RIMS1: variants seen among roughly 807,000 people sequenced by gnomAD.
RIMS1 encodes regulating synaptic membrane exocytosis protein 1.
A neutral mutation model predicts 214.1 loss-of-function variants in RIMS1; 83 were observed. The ratio of observed to expected loss-of-function variants is 0.39; its 90% CI spans 0.32 to 0.47. The LOEUF (loss-of-function observed/expected upper bound fraction) is 0.47. RIMS1 is among the 20% of genes least tolerant of loss of function. The probability of loss-of-function intolerance (pLI) is 0.99; values close to 1 mark genes in which losing one functional copy is unlikely to be tolerated. For synonymous variants in RIMS1, 793 were observed against 786.8 expected (o/e 1.01, Z -0.13); for missense variants, 2,050 against 2,161.8 (o/e 0.95, Z 1.03).
chr6:72,359,476 C>CT (rs949683489), intron 29 of RIMS1, among the ~76,000 whole-genome samples: 81 of 146,820 alleles, frequency 5.5e-4, no homozygotes, highest in South Asian at 1.1e-3. Context: ...AAGCAATTTG[C>CT]TTTTTTTTTT....
intron 4 of RIMS1, among the ~76,000 whole-genome samples, chr6:72,150,456 G>T (rs1236361651): frequency 6.6e-6 from 1 of 152,146 alleles, no homozygotes; most frequent in Admixed American, 6.5e-5. Flanking sequence ...TCTGCCTCCT[G>T]CCACTATTAT....
chr6:72,337,867 T>G (rs1379544484), intron 29 of RIMS1, among the ~76,000 whole-genome samples: 3 of 151,538 alleles, frequency 2.0e-5, no homozygotes, highest in Non-Finnish European at 4.4e-5. Flanking sequence ...TGTGATAGTT[T>G]GCTGAGAATG....
In RIMS1 at chr6:72,159,001, T is replaced by C. The variant is rs559262753; in HGVS notation, c.472-20574T>C. 2.2e-4 allele frequency among the ~76,000 whole-genome samples: 31 copies of C among 140,602 alleles called. 6 individuals carry two copies. The highest frequency in any genetic ancestry group is 4.7e-4 in the Non-Finnish European group (29 of 61,808). The allele number at this position is 140,602 out of a possible 152,430, so 92.2% of individuals were successfully genotyped here. On this transcript the variant is annotated intron_variant, in intron 4 of 33. Transcript: ENST00000521978. ...CTGACTTCCACAATGGTTGAACTAG[T>C]TTACAGTCCCACCAACAGTGTAAGT...
rs533260864 is a variant in RIMS1, at chr6:72,251,388, G to A, written c.2698+20G>A. 7.1e-6 allele frequency: 11 copies of A among 1,538,868 alleles called. No individual in the cohort carries two copies. In the Admixed American group the frequency reaches 1.8e-4, roughly 26 times the overall value. ...TACAAAGTAGGTTAAGGTCCTTTTA[G>A]TTGCCACAAAGTAATTATGCTGTAA... On this transcript the variant is annotated intron_variant, in intron 15 of 33. Coordinates refer to ENST00000521978, the MANE Select transcript of RIMS1 (RefSeq NM_014989.7).
At chr6:72,113,938 C>T (rs1415517743) in intron 4 of RIMS1, among the ~76,000 whole-genome samples, 1 of 151,940 alleles carries the variant, frequency 6.6e-6, no homozygotes, top group Admixed American at 6.6e-5. Context: ...AAAAAGACAC[C>T]AATAATGTAA....
At chr6:72,015,841 G>T (rs1310151127) in intron 2 of RIMS1, among the ~76,000 whole-genome samples, 1 of 152,090 alleles carries the variant, frequency 6.6e-6, no homozygotes, top group African/African-American at 2.4e-5. Flanking sequence ...CAGGAGAATG[G>T]CATGAACCCG....
chr6:72,115,227 C>A (rs1291412810), intron 4 of RIMS1, among the ~76,000 whole-genome samples: 1 of 151,824 alleles, frequency 6.6e-6, no homozygotes, highest in Non-Finnish European at 1.5e-5. Flanking sequence ...CTTAGACATA[C>A]CTAAAATAGC....
At chr6:71,949,085 T>C (rs1387327135) in intron 1 of RIMS1, among the ~76,000 whole-genome samples, 4 of 152,210 alleles carry the variant, frequency 2.6e-5, no homozygotes, top group Non-Finnish European at 1.5e-5. Flanking sequence ...GCTGAATACC[T>C]TTTTGTAGTA....
At chr6:72,009,132 C>A (rs1809171163) in intron 2 of RIMS1, among the ~76,000 whole-genome samples, 2 of 152,274 alleles carry the variant, frequency 1.3e-5, no homozygotes, top group African/African-American at 2.4e-5. Context: ...GTCTCTCAGA[C>A]CACAGTGCAA....
chr6:71,955,536 T>C (rs1053855385), intron 1 of RIMS1, among the ~76,000 whole-genome samples: 1 of 152,162 alleles, frequency 6.6e-6, no homozygotes, highest in Non-Finnish European at 1.5e-5. Flanking sequence ...TATTGAGAAA[T>C]CAATTCCTAA....
At chr6:72,142,045 G>A (rs1410685966) in intron 4 of RIMS1, among the ~76,000 whole-genome samples, 1 of 151,858 alleles carries the variant, frequency 6.6e-6, no homozygotes, top group East Asian at 1.9e-4. Context: ...TGTCTTAGTT[G>A]CTAGTGGGTC....
At chr6:72,222,263 T>C (rs1425343435) in intron 6 of RIMS1, among the ~76,000 whole-genome samples, 1 of 152,088 alleles carries the variant, frequency 6.6e-6, no homozygotes, top group Admixed American at 6.5e-5. Context: ...TTCAGTTACA[T>C]AATTCTCTAA....
rs551983476 is a variant in RIMS1, at chr6:72,368,541, G to A, written c.4367-22057G>A. 3.2e-4 allele frequency among the ~76,000 whole-genome samples: 48 copies of A among 151,288 alleles called. No homozygotes were observed. The South Asian group carries it at 4.0e-3, about 13-fold the overall frequency. On this transcript the variant is annotated intron_variant, in intron 29 of 33. Transcript: ENST00000521978. The stretch of plus-strand genomic sequence containing the variant: ...GATCTCCTGACCTTGTGATCCACCC[G>A]CCTCGGCCTCCACTTTGGGCTTCTT...
Position 72,353,051 on chromosome 6 carries a change from C to T in RIMS1, c.4366+19216C>T, listed in dbSNP as rs374621728. 6.1e-4 allele frequency among the ~76,000 whole-genome samples: 77 copies of T among 125,910 alleles called. No homozygotes were observed. The East Asian group carries it at 0.017, about 28-fold the overall frequency. 82.6% of individuals were successfully genotyped at this position (125,910 alleles called of 152,430 possible). On this transcript the variant is annotated intron_variant, in intron 29 of 33. Transcript: ENST00000521978. ...TGTTGCCCAGGCTGGAGTGCAATGG[C>T]GAGATCTCGGCTCACTGCAACTTCC...
intron 19 of RIMS1, chr6:72,261,304 C>T (rs1205623403): frequency 1.0e-6 from 1 of 998,762 alleles, no homozygotes; most frequent in Non-Finnish European, 1.2e-6. Flanking sequence ...TGAAGATATT[C>T]AACCTGATCT....
chr6:72,070,469 C>A (rs1260497465), intron 2 of RIMS1, among the ~76,000 whole-genome samples: 1 of 152,134 alleles, frequency 6.6e-6, no homozygotes, highest in Non-Finnish European at 1.5e-5. Context: ...TCTATTAGGG[C>A]AAGTACTGTT....
chr6:72,104,196 C>A (rs2034253987), intron 4 of RIMS1, among the ~76,000 whole-genome samples: 1 of 152,078 alleles, frequency 6.6e-6, no homozygotes, highest in Admixed American at 6.6e-5. Flanking sequence ...ATTTTTATGA[C>A]CAGTTGAAAA....
At chr6:72,315,024 A>G (rs998844133) in intron 28 of RIMS1, among the ~76,000 whole-genome samples, 9 of 152,196 alleles carry the variant, frequency 5.9e-5, no homozygotes, top group African/African-American at 2.2e-4. Flanking sequence ...GGATTCTTCA[A>G]AAATTTATCT....
intron 1 of RIMS1, among the ~76,000 whole-genome samples, chr6:71,908,576 T>C (rs1187108054): frequency 6.6e-6 from 1 of 152,166 alleles, no homozygotes; most frequent in East Asian, 1.9e-4. Context: ...TGGCTGCATA[T>C]AAGTATCTAA....
Sources: gnomAD v4.1 joint callset for allele counts (sites outside exome capture counted in the v4.1 genomes callset) on GRCh38, gnomAD v4.1.1 for gene constraint, MANE v1.5 for transcripts, NCBI Gene and HGNC (gene_info 2026-07-23, HGNC 2026-07-21) for gene names.